LIMK2: variants seen among roughly 807,000 people sequenced by gnomAD.
LIMK2 encodes LIM domain kinase 2.
LIMK2 carries 35 observed loss-of-function variants against 75.7 expected under a neutral mutation model. The observed-to-expected ratio is 0.46, with a 90% CI of 0.35 to 0.61. The LOEUF (loss-of-function observed/expected upper bound fraction) is 0.61. Among genes scored for constraint, LIMK2 ranks in the 20% least tolerant of loss-of-function variants. The probability of loss-of-function intolerance (pLI) is 0.00; values close to 1 mark genes in which losing one functional copy is unlikely to be tolerated. For missense variants in LIMK2, 623 were observed against 831.0 expected (o/e 0.75, Z 3.08); for synonymous variants, 301 against 319.2 (o/e 0.94, Z 0.61).
chr22:31,233,788 AG>A (rs2048548313), intron 2 of LIMK2, among the ~76,000 whole-genome samples: 1 of 152,318 alleles, frequency 6.6e-6, no homozygotes, highest in South Asian at 2.1e-4. Flanking sequence ...CCAGAAACCT[AG>A]GAATCCTTGA....
chr22:31,216,472 C>T lies in LIMK2; in HGVS notation c.16+4048C>T, dbSNP rs183027748. Among the ~76,000 whole-genome samples the T allele has an allele frequency of 4.5e-4, 69 of 152,094 alleles. No homozygotes were observed. In the Middle Eastern group the frequency reaches 0.01, roughly 22 times the overall value. On this transcript the variant is annotated intron_variant, in intron 1 of 15. Coordinates refer to ENST00000331728, the MANE Select transcript of LIMK2 (RefSeq NM_005569.4). ...GAAGTTTCTAGTCTACAGTAGGCAC[C>T]GTAGGTTTAGAGAAAGGAAGACTCA...
At chr22:31,267,194 G>C in intron 9 of LIMK2, 124 bp downstream of exon 9, 1 of 607,432 alleles carries the variant, frequency 1.6e-6, no homozygotes. Context: ...GCAGAAAAGA[G>C]CCCTAGAGGA....
intron 2 of LIMK2, chr22:31,248,678 G>C: frequency 6.2e-7 from 1 of 1,614,100 alleles, no homozygotes; most frequent in Non-Finnish European, 8.5e-7. Context: ...GTCACAGACG[G>C]ATTTGCAGCT....
At chr22:31,259,738 T>A in intron 4 of LIMK2, 151 bp from the exon 5 acceptor site, 1 of 616,908 alleles carries the variant, frequency 1.6e-6, no homozygotes. Flanking sequence ...GAACCCAGGC[T>A]CCTCATTCTG....
In LIMK2 at chr22:31,272,887, A is replaced by G; in HGVS notation, c.1558+183A>G. ...AGCTCCTGAGCTCAGGGGGCTGGGA[A>G]CTGATCAGTGTCCCATCATGGGGGA... On this transcript the variant is annotated intron_variant, in intron 13 of 15. Transcript: ENST00000331728. 2.2e-6 allele frequency: 3 copies of G among 1,387,944 alleles called. No homozygotes were observed. The African/African-American group carries it at 4.3e-5, about 20-fold the overall frequency. The allele number at this position is 1,387,944 out of a possible 1,614,324, so 86.0% of individuals were successfully genotyped here. A position where few individuals can be genotyped will look rare whatever the true frequency, so the allele number is the denominator to read the frequency against.
At chr22:31,274,083 G>A (rs941800647) in intron 14 of LIMK2, among the ~76,000 whole-genome samples, 1 of 150,946 alleles carries the variant, frequency 6.6e-6, no homozygotes, top group Non-Finnish European at 1.5e-5. Flanking sequence ...AGGGGCAGAT[G>A]AGACTCAGAA....
Position 31,225,819 on chromosome 22 carries a change from G to A in LIMK2, c.116G>A (p.Arg39Gln), listed in dbSNP as rs765675081. 13 of 1,611,434 alleles carry A rather than the reference G, an allele frequency of 8.1e-6. No homozygotes were observed. Among genetic ancestry groups the A allele is most frequent in the East Asian group, 4.5e-5 (2 of 44,842 alleles). ...VNETWHGSCF[R>Q]CSECQDSLTN... is the part of the protein sequence containing the mutation. ...GAAACCTGGCACGGCTCTTGCTTCC[G>A]GTAGGTGGGCCTATCCTCCCATCTT... Residue 39 changes from arginine (R) to glutamine (Q), a missense_variant and splice_region_variant, in exon 2 of 16, where the codon CGG (arginine) becomes CAG (glutamine). Physicochemically the swap from Arg to Gln is conservative, Grantham distance 43. Transcript: ENST00000331728.
chr22:31,277,920 T>A (rs2049048738), intron 15 of LIMK2, among the ~76,000 whole-genome samples: 1 of 152,106 alleles, frequency 6.6e-6, no homozygotes, highest in Non-Finnish European at 1.5e-5. Flanking sequence ...AGCATAAACA[T>A]GGAGGAGGAG....
chr22:31,217,392 G>T (rs542484130), intron 1 of LIMK2, among the ~76,000 whole-genome samples: 1 of 149,494 alleles, frequency 6.7e-6, no homozygotes, highest in Non-Finnish European at 1.5e-5. Flanking sequence ...GCGAGACTCC[G>T]TCTCAGAAAA....
chr22:31,256,108 C>T (rs1480377084), intron 2 of LIMK2, among the ~76,000 whole-genome samples: 3 of 144,400 alleles, frequency 2.1e-5, no homozygotes, highest in Non-Finnish European at 3.0e-5. Context: ...AAGCGATTCT[C>T]CTGCCTCAGC....
intron 2 of LIMK2, chr22:31,248,234 T>A: frequency 1.5e-6 from 1 of 659,880 alleles, no homozygotes; most frequent in Non-Finnish European, 2.2e-6. Flanking sequence ...CCAGCCCAGC[T>A]CCACCCCTTG....
chr22:31,213,366 C>CT (rs2048364153), intron 1 of LIMK2, among the ~76,000 whole-genome samples: 1 of 149,774 alleles, frequency 6.7e-6, no homozygotes, highest in Admixed American at 6.6e-5. Flanking sequence ...GGTGGCCCAC[C>CT]TCTGGGTCCA....
chr22:31,261,545 CA>C (rs574806431), intron 5 of LIMK2, among the ~76,000 whole-genome samples: 152 of 126,022 alleles, frequency 1.2e-3, no homozygotes, highest in Admixed American at 1.1e-3. Flanking sequence ...GACTCCATCT[CA>C]AAAAAAAAAA....
In LIMK2 at chr22:31,268,165, A is replaced by C. The variant is rs1328808591; in HGVS notation, c.1282A>C (p.Lys428Gln). ...RSMDPFPWQQ[K>Q]VRFAKGIASG... ...GCAGGATCCGTTCCCCTGGCAGCAG[A>C]AGGTCAGGTTTGCCAAAGGAATCGC... The change falls in exon 11 of 16, where the codon AAG becomes CAG. Residue 428 changes from lysine (K) to glutamine (Q), a missense_variant. Lys to Gln is a moderately conservative substitution (Grantham distance 53). This residue lies in a region of LIMK2 where 514 missense variants were observed against 661.3 expected (regional missense o/e 0.78). Coordinates refer to ENST00000331728, the MANE Select transcript of LIMK2 (RefSeq NM_005569.4). The C allele has an allele frequency of 1.2e-6, 2 of 1,614,094 alleles. No individual in the cohort carries two copies. Among genetic ancestry groups the C allele is most frequent in the Non-Finnish European group, 1.7e-6 (2 of 1,180,008 alleles).
At chr22:31,219,660 C>G (rs2048417588) in intron 1 of LIMK2, among the ~76,000 whole-genome samples, 1 of 152,152 alleles carries the variant, frequency 6.6e-6, no homozygotes, top group Non-Finnish European at 1.5e-5. Flanking sequence ...CAAGCTCCAC[C>G]TCCCGGGTTC....
At chr22:31,216,626 T>C (rs2048390989) in intron 1 of LIMK2, among the ~76,000 whole-genome samples, 2 of 152,114 alleles carry the variant, frequency 1.3e-5, no homozygotes, top group Non-Finnish European at 2.9e-5. Flanking sequence ...CCAGGGTGAC[T>C]TGGATGGTCC....
chr22:31,274,304 C>T (rs1182781173), intron 14 of LIMK2, among the ~76,000 whole-genome samples: 1 of 152,166 alleles, frequency 6.6e-6, no homozygotes, highest in African/African-American at 2.4e-5. Flanking sequence ...GCGACTCAAA[C>T]ACACACACAT....
At position 31,278,389 on chromosome 22, in the gene LIMK2, T is replaced by C; in HGVS notation, c.1865T>C (p.Leu622Ser). 1 of 1,613,958 alleles carries C rather than the reference T, an allele frequency of 6.2e-7. No individual in the cohort carries two copies. The highest frequency in any genetic ancestry group is 8.5e-7 in the Non-Finnish European group (1 of 1,179,944). ...CCGCTGCCTGCAGAGCTGGAGGAGT[T>C]GGACCACACTGTGAGCATGCAGTAC... ...GIPLPAELEE[L>S]DHTVSMQYGL... Residue 622 changes from leucine (L) to serine (S), a missense_variant, in exon 16 of 16, where the codon TTG becomes TCG. By Grantham distance (145) the Leu-to-Ser change is moderately radical. Coordinates refer to ENST00000331728, the MANE Select transcript of LIMK2 (RefSeq NM_005569.4).
chr22:31,273,362 T>C, intron 13 of LIMK2, 90 bp from the exon 14 acceptor site: 1 of 1,180,878 alleles, frequency 8.5e-7, no homozygotes. Flanking sequence ...CTAGCCCTAG[T>C]TCTTAGCTGT....
Sources: gnomAD v4.1 joint callset for allele counts (sites outside exome capture counted in the v4.1 genomes callset) on GRCh38, gnomAD v4.1.1 for gene constraint, gnomAD v4.1.1 regional missense constraint, MANE v1.5 for transcripts, NCBI Gene and HGNC (gene_info 2026-07-23, HGNC 2026-07-21) for gene names.